Variants in NEDD4 observed in about 807,000 individuals in gnomAD.
NEDD4 encodes the protein NEDD4 E3 ubiquitin protein ligase, also known as E3 ubiquitin-protein ligase NEDD4.
NEDD4 carries 99 observed loss-of-function variants against 144.9 expected under a neutral mutation model. The ratio of observed to expected loss-of-function variants is 0.68; its 90% CI spans 0.58 to 0.81. The LOEUF (loss-of-function observed/expected upper bound fraction) is 0.81, where lower values mean the gene tolerates loss of function less well. Among genes scored for constraint, NEDD4 ranks in the 30% least tolerant of loss-of-function variants. The pLI, the probability that NEDD4 is intolerant of heterozygous loss-of-function variation, is 0.00. For missense variants in NEDD4, 985 were observed against 1,065.9 expected (o/e 0.92, Z 1.06); for synonymous variants, 318 against 350.6 (o/e 0.91, Z 1.04).
At chr15:55,835,439 T>TC (rs1555392049) in intron 24 of NEDD4, among the ~76,000 whole-genome samples, 41,328 of 142,550 alleles carry the variant, frequency 0.29, 6,195 homozygotes, top group South Asian at 0.39. Flanking sequence ...TTTTTTTTTT[T>TC]CCCATGCCCT....
intron 5 of NEDD4, among the ~76,000 whole-genome samples, chr15:55,881,778 C>T (rs1287351228): frequency 6.6e-6 from 1 of 152,058 alleles, no homozygotes; most frequent in Non-Finnish European, 1.5e-5. Flanking sequence ...GATCAACTGT[C>T]ACTAGAGTAA....
At chr15:55,916,808 G>A (rs2036465287) in intron 5 of NEDD4, 1 of 1,606,978 alleles carries the variant, frequency 6.2e-7, no homozygotes, top group Non-Finnish European at 8.5e-7. Context: ...TGGCTGCAAA[G>A]TGCAATCGTA....
At chr15:55,932,970 C>T (rs762060364) in intron 4 of NEDD4, among the ~76,000 whole-genome samples, 11 of 152,148 alleles carry the variant, frequency 7.2e-5, no homozygotes, top group African/African-American at 1.4e-4. Flanking sequence ...CAAATCAAAA[C>T]GACAATGAGA....
chr15:55,906,704 C>T (rs2036111181), intron 5 of NEDD4, among the ~76,000 whole-genome samples: 1 of 152,112 alleles, frequency 6.6e-6, no homozygotes, highest in South Asian at 2.1e-4. Flanking sequence ...ATGGGTGCAG[C>T]ACACCAACAT....
At chr15:55,915,504 T>C in intron 5 of NEDD4, 1 of 1,613,884 alleles carries the variant, frequency 6.2e-7, no homozygotes. Context: ...CATCTGTGAA[T>C]GTGGTCTTTC....
intron 1 of NEDD4, among the ~76,000 whole-genome samples, chr15:55,988,342 G>T (rs1288394847): frequency 1.1e-5 from 1 of 93,892 alleles, no homozygotes; most frequent in Non-Finnish European, 2.0e-5. Context: ...GGGGAGGGGG[G>T]AGGGATAGCA....
At chr15:55,864,876 T>C (rs1364822738) in intron 8 of NEDD4, among the ~76,000 whole-genome samples, 4 of 152,008 alleles carry the variant, frequency 2.6e-5, no homozygotes, top group Admixed American at 6.6e-5. Flanking sequence ...GGCAGCTCAA[T>C]AGATTTGCCC....
chr15:55,956,063 C>A (rs143177167), intron 2 of NEDD4, among the ~76,000 whole-genome samples: 211 of 152,268 alleles, frequency 1.4e-3, no homozygotes, highest in African/African-American at 4.8e-3. Context: ...ATCCTCCCAC[C>A]TTGGCCTCCC....
chr15:55,935,845 CAAAAAAAAA>C (rs35215537), intron 4 of NEDD4, among the ~76,000 whole-genome samples: 5 of 78,270 alleles, frequency 6.4e-5, no homozygotes, highest in Middle Eastern at 8.2e-3. Flanking sequence ...GACTCTGTTT[CAAAAAAAAA>C]AAAAAAAAAA....
chr15:55,856,314 G>T, intron 11 of NEDD4, 118 bp from the exon 12 acceptor site: 1 of 859,896 alleles, frequency 1.2e-6, no homozygotes, highest in Non-Finnish European at 1.8e-6. Context: ...TGGCTAGGAT[G>T]CAAATGTTGA....
At chr15:55,879,645 C>T (rs1233611999) in intron 5 of NEDD4, among the ~76,000 whole-genome samples, 2 of 152,002 alleles carry the variant, frequency 1.3e-5, no homozygotes, top group Admixed American at 1.3e-4. Context: ...AAGAAAAATA[C>T]CTCAGAAAAA....
chr15:55,961,396 G>A (rs960760566), intron 2 of NEDD4, among the ~76,000 whole-genome samples: 1 of 152,140 alleles, frequency 6.6e-6, no homozygotes, highest in Non-Finnish European at 1.5e-5. Context: ...GTTAAACAAT[G>A]CAGGAACTTC....
At chr15:55,869,961 G>A (rs2034724061) in intron 7 of NEDD4, among the ~76,000 whole-genome samples, 1 of 152,154 alleles carries the variant, frequency 6.6e-6, no homozygotes, top group South Asian at 2.1e-4. Context: ...TCAAAGAGAA[G>A]CTGGCCTTTG....
intron 5 of NEDD4, among the ~76,000 whole-genome samples, chr15:55,876,402 T>C (rs1595783668): frequency 6.6e-6 from 1 of 150,542 alleles, no homozygotes; most frequent in East Asian, 1.9e-4. Flanking sequence ...CAAATTGTTG[T>C]ATACAAAAAA....
rs1395103075 is a variant in NEDD4 at position 55,993,512 on chromosome 15, T to A, written c.44A>T (p.Glu15Val). The change falls in exon 1 of 29, where the codon GAG becomes GTG. Residue 15 changes from glutamate to valine, a missense_variant and splice_region_variant. Coordinates refer to ENST00000435532, the MANE Select transcript of NEDD4 (RefSeq NM_006154.4). ...CCCGCAGCCCCGCGGTCCCCGCACC[T>A]CGTCCTCCAGGAGCCCGAACACCTC... ...AVEVFGLLED[E>V]ENSRIVRVRV... 5.0e-6 allele frequency: 8 copies of A among 1,597,802 alleles called. No homozygotes were observed. Among genetic ancestry groups the A allele is most frequent in the Non-Finnish European group, 6.0e-6 (7 of 1,174,290 alleles).
At chr15:55,914,273 C>T (rs961735918) in intron 5 of NEDD4, among the ~76,000 whole-genome samples, 2 of 151,354 alleles carry the variant, frequency 1.3e-5, no homozygotes, top group African/African-American at 4.8e-5. Flanking sequence ...TTTTTCCCCC[C>T]AAAACTATGA....
rs1326132706 is a variant in NEDD4, at chr15:55,915,423, G to C, written c.291+9223C>G. ...TTTAGAACAATTGTGCTTAAGGCTG[G>C]ATAGACAGGAAATATTTGGATAAGC... On this transcript the variant is annotated intron_variant, in intron 5 of 28. Coordinates refer to ENST00000435532, the MANE Select transcript of NEDD4 (RefSeq NM_006154.4). 6.2e-7 allele frequency: 1 copy of C among 1,613,804 alleles called. No individual in the cohort carries two copies.
At chr15:55,848,606 AG>A (rs746859157) in intron 15 of NEDD4, 31 bp from the exon 16 acceptor site, 1 of 1,584,314 alleles carries the variant, frequency 6.3e-7, no homozygotes, top group South Asian at 1.1e-5. Context: ...CAATTATTTT[AG>A]GAGAGGGGCG....
At position 55,854,158 on chromosome 15, in the gene NEDD4, C is replaced by T. The variant is rs544943315; in HGVS notation, c.1027-1615G>A. On this transcript the variant is annotated intron_variant, in intron 12 of 28. Transcript: ENST00000435532. ...AGCAAGACTCCATCCCCCTCCCCTC[C>T]GAAAAAAAAAAGTCCTAAATCTGGC... Among the ~76,000 whole-genome samples the T allele has an allele frequency of 8.6e-5, 13 of 151,176 alleles. No individual in the cohort carries two copies. In the South Asian group the frequency reaches 1.0e-3, roughly 12 times the overall value.
Sources: gnomAD v4.1 joint callset for allele counts (sites outside exome capture counted in the v4.1 genomes callset) on GRCh38, gnomAD v4.1.1 for gene constraint, MANE v1.5 for transcripts, NCBI Gene and HGNC (gene_info 2026-07-23, HGNC 2026-07-21) for gene names.